FANCD2: variants seen among roughly 807,000 people sequenced by gnomAD.
FANCD2 encodes FA complementation group D2.
Under a neutral mutation model 192.3 loss-of-function variants are expected in FANCD2, and 131 were observed. That is an observed-to-expected ratio of 0.68 (90% CI 0.59 to 0.79). The LOEUF (loss-of-function observed/expected upper bound fraction) is 0.79. Ranked by LOEUF, FANCD2 falls within the 30% of genes least tolerant of loss-of-function variation. The pLI is 0.00. For missense variants in FANCD2, 1,508 were observed against 1,701.6 expected (o/e 0.89, Z 2.00); for synonymous variants, 524 against 612.5 (o/e 0.86, Z 2.13).
Position 10,074,538 on chromosome 3 carries a change from A to G in FANCD2, c.2724A>G (p.Thr908=), listed in dbSNP as rs1470112129. 6.2e-7 allele frequency: 1 copy of G among 1,613,376 alleles called. No homozygotes were observed. Among genetic ancestry groups the G allele is most frequent in the Non-Finnish European group, 8.5e-7 (1 of 1,179,696 alleles). ...CTGTGACTTCCCCATAGGAGTTCAC[A>G]GGGAAGGAAGAAAAGACATCATTGT... is the stretch of plus-strand genomic sequence containing the variant. The part of the protein sequence containing the change: ...SHRGQLNKEF[T]GKEEKTSLLL... Residue 908 remains threonine, a synonymous_variant, in exon 29 of 44, where the codon ACA becomes ACG. Transcript: ENST00000675286.
At chr3:10,080,770 CA>C (rs1172105924) in intron 30 of FANCD2, among the ~76,000 whole-genome samples, 3 of 148,868 alleles carry the variant, frequency 2.0e-5, no homozygotes, top group African/African-American at 4.9e-5. Flanking sequence ...AACCTTGCCT[CA>C]AAAAAAAAAT....
intron 2 of FANCD2, 32 bp downstream of exon 2, chr3:10,028,753 C>G (rs1369013542): frequency 6.4e-7 from 1 of 1,570,564 alleles, no homozygotes; most frequent in Non-Finnish European, 8.8e-7. Flanking sequence ...GCTTTATTTC[C>G]TGTAGCAATG....
At chr3:10,092,131 G>A in intron 37 of FANCD2, 50 bp from the exon 38 acceptor site, 2 of 1,182,344 alleles carry the variant, frequency 1.7e-6, no homozygotes, top group Non-Finnish European at 2.5e-6. Flanking sequence ...ATACAGTAAG[G>A]GAAGTATTTG....
Position 10,101,290 on chromosome 3 carries a change from G to T in FANCD2, c.*28G>T. 1 of 1,505,038 alleles carries T rather than the reference G, an allele frequency of 6.6e-7. No homozygotes were observed. Among genetic ancestry groups the T allele is most frequent in the Non-Finnish European group, 9.3e-7 (1 of 1,080,948 alleles). 93.2% of individuals were successfully genotyped at this position (1,505,038 alleles called of 1,614,324 possible). On this transcript the variant is annotated 3_prime_UTR_variant, in exon 44 of 44. Transcript: ENST00000675286. ...CCCAGATAAATTGTTGCCTGCTTCT[G>T]TGTCTCTGCCAGCCTGTGATCATTT...
rs9875081 is a variant in FANCD2, at chr3:10,042,251, G to A, written c.784-308G>A. ...AGTGGAAATCTTCCATGTTGTCTGA[G>A]TCATACCTGCTTCCCATAGGAATAA... On this transcript the variant is annotated intron_variant, in intron 10 of 43. Transcript: ENST00000675286. Among the ~76,000 whole-genome samples, 34,313 of 152,002 alleles carry A rather than the reference G, an allele frequency of 0.23. 5,012 individuals carry two copies. Among genetic ancestry groups the A allele is most frequent in the African/African-American group, 0.42 (17,337 of 41,406 alleles).
At chr3:10,075,251 TCCAC>T (rs1693470143) in intron 29 of FANCD2, among the ~76,000 whole-genome samples, 2 of 152,062 alleles carry the variant, frequency 1.3e-5, no homozygotes, top group African/African-American at 4.8e-5. Context: ...GGCGCGGATC[TCCAC>T]TCACTGCAAG....
At position 10,040,642 on chromosome 3, in the gene FANCD2, G is replaced by A. The variant is rs1037016792; in HGVS notation, c.695+797G>A. The A allele has an allele frequency of 8.9e-6, 4 of 450,560 alleles. No homozygotes were observed. The Admixed American group carries it at 9.7e-5, about 11-fold the overall frequency. The allele number at this position is 450,560 out of a possible 1,614,324, so 27.9% of individuals were successfully genotyped here. On this transcript the variant is annotated intron_variant, in intron 9 of 43. Coordinates refer to ENST00000675286, the MANE Select transcript of FANCD2 (RefSeq NM_001018115.3). Reference sequence around the variant, plus strand: ...AATTGGTAGGGAAGTATTGAAGAAGGGGAGAACAATATCCCTAGGTAATAA... The same window carrying A: ...AATTGGTAGGGAAGTATTGAAGAAGAGGAGAACAATATCCCTAGGTAATAA...
chr3:10,044,142 A>G (rs1263595462), intron 14 of FANCD2, among the ~76,000 whole-genome samples: 1 of 152,216 alleles, frequency 6.6e-6, no homozygotes, highest in African/African-American at 2.4e-5. Context: ...GCAGTCAAAG[A>G]AGCCAGGTCC....
intron 30 of FANCD2, among the ~76,000 whole-genome samples, chr3:10,079,806 A>G (rs1381655159): frequency 6.6e-6 from 1 of 152,242 alleles, no homozygotes; most frequent in Non-Finnish European, 1.5e-5. Context: ...CATCCGGGGA[A>G]GCAGTTGGAC....
intron 2 of FANCD2, among the ~76,000 whole-genome samples, chr3:10,031,142 G>A (rs184424788): frequency 1.3e-5 from 2 of 152,266 alleles, no homozygotes; most frequent in African/African-American, 4.8e-5. Context: ...TTTCATTCTG[G>A]TTGTGTTTTA....
chr3:10,046,654 A>G lies in FANCD2; in HGVS notation c.1209A>G (p.Leu403=). The change falls in exon 15 of 44, where the codon CTA becomes CTG. Residue 403 remains leucine (L), a synonymous_variant. Transcript: ENST00000675286. ...TQTKKYIDRV[L]RNKIRSGCIQ... ...CAAAGAAGTACATTGACAGGGTGCT[A>G]AGAAATAAGATTCGATCAGGCTGCA... 1.2e-6 allele frequency: 2 copies of G among 1,614,278 alleles called. No homozygotes were observed.
At chr3:10,045,433 G>C (rs1220370997) in intron 14 of FANCD2, 7 of 152,150 alleles carry the variant, frequency 4.6e-5, no homozygotes, top group African/African-American at 1.7e-4. Context: ...CTCCCAAAGT[G>C]CTGGGATTAT....
intron 40 of FANCD2, 127 bp from the exon 41 acceptor site, chr3:10,095,073 A>G: frequency 1.3e-6 from 1 of 769,816 alleles, no homozygotes; most frequent in South Asian, 1.5e-5. Flanking sequence ...GCAAATTAAG[A>G]TGATTATCAG....
intron 25 of FANCD2, 58 bp from the exon 26 acceptor site, chr3:10,067,151 T>G (rs116962388): frequency 1.1e-5 from 12 of 1,103,190 alleles, no homozygotes; most frequent in Non-Finnish European, 1.6e-5. Context: ...ATAAATAATA[T>G]AAACAAGGTT....
At chr3:10,043,457 A>C (rs560221032) in intron 12 of FANCD2, 27 bp from the exon 13 acceptor site, 1 of 1,573,396 alleles carries the variant, frequency 6.4e-7, no homozygotes, top group East Asian at 2.2e-5. Flanking sequence ...GTAGAAGAGT[A>C]ATTTTTTTCC....
At chr3:10,031,374 G>C (rs1351341727) in intron 2 of FANCD2, among the ~76,000 whole-genome samples, 1 of 152,048 alleles carries the variant, frequency 6.6e-6, no homozygotes, top group Non-Finnish European at 1.5e-5. Context: ...GTGGTGGTGT[G>C]CACCTGTAGT....
Position 10,070,119 on chromosome 3 carries a change from G to T in FANCD2, c.2495-2752G>T, listed in dbSNP as rs376284620. Among the ~76,000 whole-genome samples, 170 of 149,198 alleles carry T rather than the reference G, an allele frequency of 1.1e-3. 4 individuals carry two copies. In the East Asian group the frequency reaches 0.032, roughly 28 times the overall value. On this transcript the variant is annotated intron_variant, in intron 26 of 43. Coordinates refer to ENST00000675286, the MANE Select transcript of FANCD2 (RefSeq NM_001018115.3). ...AGCGCCTCTGCCCGGCCGCGACCCC[G>T]TCTGGGAGGTGAGGAGCGTCTCTGC...
At chr3:10,099,154 T>C in intron 43 of FANCD2, 9 of 1,452,138 alleles carry the variant, frequency 6.2e-6, no homozygotes, top group Non-Finnish European at 8.1e-6. Flanking sequence ...TTGAGAAGAA[T>C]GAGTTAAACC....
In FANCD2 at chr3:10,065,938, A is replaced by G. The variant is rs779740652; in HGVS notation, c.2344A>G (p.Met782Val). 2.5e-5 allele frequency: 41 copies of G among 1,613,434 alleles called. No homozygotes were observed. Among genetic ancestry groups the G allele is most frequent in the Non-Finnish European group, 3.4e-5 (40 of 1,179,398 alleles). The stretch of plus-strand genomic sequence containing the variant: ...CATGTCTGCTAAAGAGCGTTCATTC[A>G]TGTGTTCTCTCATATTTCTTACTCT... ...ESMSAKERSF[M>V]CSLIFLTLNW... Residue 782 changes from methionine to valine, a missense_variant, in exon 25 of 44, where the codon ATG becomes GTG. Physicochemically the swap from Met to Val is conservative, Grantham distance 21 (BLOSUM62 1). Coordinates refer to ENST00000675286, the MANE Select transcript of FANCD2 (RefSeq NM_001018115.3).
Sources: gnomAD v4.1 joint callset for allele counts (sites outside exome capture counted in the v4.1 genomes callset) on GRCh38, gnomAD v4.1.1 for gene constraint, MANE v1.5 for transcripts, NCBI Gene and HGNC (gene_info 2026-07-23, HGNC 2026-07-21) for gene names.